IQSEC1: variants seen among roughly 807,000 people sequenced by gnomAD.
The protein encoded by IQSEC1 is IQ motif and SEC7 domain-containing protein 1.
IQSEC1 carries 31 observed loss-of-function variants against 91.0 expected under a neutral mutation model. The observed-to-expected ratio is 0.34, with a 90% CI of 0.26 to 0.46. IQSEC1 has a LOEUF of 0.46. Ranked by LOEUF, IQSEC1 falls within the 20% of genes least tolerant of loss-of-function variation. The probability of loss-of-function intolerance (pLI) is 1.00; values close to 1 mark genes in which losing one functional copy is unlikely to be tolerated. For synonymous variants in IQSEC1, 699 were observed against 662.6 expected, an observed-to-expected ratio of 1.05 and a Z score of -0.84; for missense variants, 1,388 against 1,575.6, an observed-to-expected ratio of 0.88 and a Z score of 2.02.
intron 1 of IQSEC1, among the ~76,000 whole-genome samples, chr3:13,035,728 G>A (rs1704011218): frequency 6.6e-6 from 1 of 152,212 alleles, no homozygotes; most frequent in Non-Finnish European, 1.5e-5. Context: ...CAGGGGTAGA[G>A]TTTAAGTCCT....
At chr3:13,155,891 C>T (rs1485494532) in intron 2 of IQSEC1, among the ~76,000 whole-genome samples, 2 of 152,046 alleles carry the variant, frequency 1.3e-5, no homozygotes, top group Non-Finnish European at 2.9e-5. Flanking sequence ...GTGCAGAAAA[C>T]ATACTTGACA....
intron 1 of IQSEC1, among the ~76,000 whole-genome samples, chr3:12,986,625 G>A (rs1350135294): frequency 6.6e-6 from 1 of 152,168 alleles, no homozygotes; most frequent in Admixed American, 6.5e-5. Context: ...TACTGGCTGC[G>A]TCCTGCCAGG....
rs1478021483 is a variant in IQSEC1 at position 12,979,864 on chromosome 3, T to G, written c.24-37999A>C. On this transcript the variant is annotated intron_variant, in intron 1 of 13. Coordinates refer to ENST00000613206, the MANE Select transcript of IQSEC1 (RefSeq NM_001134382.3). This position sits in a 1 kb window ranked among gnomAD's most constrained non-coding sequence, Gnocchi z 4.3. The stretch of plus-strand genomic sequence containing the variant: ...CTGGATCTCATACTTCCTGAAACCC[T>G]GCTTGGTGGGTAACAAGGATCTAAG... Among the ~76,000 whole-genome samples the G allele has an allele frequency of 6.6e-6, 1 of 152,144 alleles. No individual in the cohort carries two copies. Among genetic ancestry groups the G allele is most frequent in the African/African-American group, 2.4e-5 (1 of 41,412 alleles).
intron 1 of IQSEC1, among the ~76,000 whole-genome samples, chr3:13,071,766 C>T (rs1225577070): frequency 2.0e-5 from 3 of 148,450 alleles, no homozygotes; most frequent in East Asian, 2.0e-4. Context: ...CGCCATCCCC[C>T]GAACCAGAGG....
intron 1 of IQSEC1, among the ~76,000 whole-genome samples, chr3:13,067,064 G>A (rs1205606264): frequency 6.6e-6 from 1 of 152,234 alleles, no homozygotes; most frequent in Admixed American, 6.5e-5. Flanking sequence ...CAAGCAGCCT[G>A]CCCAGGGTCA....
rs1435201727 is a variant in IQSEC1 at position 12,949,471 on chromosome 3, C to G, written c.24-7606G>C. 2.0e-5 allele frequency among the ~76,000 whole-genome samples: 3 copies of G among 152,268 alleles called. No individual in the cohort carries two copies. In the East Asian group the frequency reaches 5.8e-4, roughly 29 times the overall value. On this transcript the variant is annotated intron_variant, in intron 1 of 13. Transcript: ENST00000613206. ...GCAGTCTGCACAGGCCAGAGCAAAACAGCCTCCTGAAGTACGTATGCCCAT... is the reference window on the plus strand; with the variant it reads ...GCAGTCTGCACAGGCCAGAGCAAAAGAGCCTCCTGAAGTACGTATGCCCAT...
chr3:13,102,386 G>GC (rs2124834304), intron 2 of IQSEC1, among the ~76,000 whole-genome samples: 1 of 152,276 alleles, frequency 6.6e-6, no homozygotes, highest in South Asian at 2.1e-4. Context: ...CCTGGGCCCA[G>GC]CCCCATGTTG....
At position 13,008,707 on chromosome 3, in the gene IQSEC1, G is replaced by A. The variant is rs1194340311; in HGVS notation, c.23+64285C>T. Among the ~76,000 whole-genome samples, 1 of 152,202 alleles carries A rather than the reference G, an allele frequency of 6.6e-6. No homozygotes were observed. On this transcript the variant is annotated intron_variant, in intron 1 of 13. Transcript: ENST00000613206. The surrounding 1 kb of genome is among the most constrained non-coding windows in gnomAD (Gnocchi z 4.1). ...GGGGTCTCACGCTGGTGTCCTCACT[G>A]CTTTGAGCGGTGCTGGGCACACAGT...
At chr3:13,033,436 C>T (rs1703920757) in intron 1 of IQSEC1, among the ~76,000 whole-genome samples, 1 of 152,154 alleles carries the variant, frequency 6.6e-6, no homozygotes, top group Admixed American at 6.5e-5. Context: ...TTGTATGTGG[C>T]TGTGTTCTCC....
In IQSEC1 at chr3:13,043,249, G is replaced by C. The variant is rs538371959; in HGVS notation, c.23+29743C>G. On this transcript the variant is annotated intron_variant, in intron 1 of 13. Coordinates refer to ENST00000613206, the MANE Select transcript of IQSEC1 (RefSeq NM_001134382.3). ...CAGAATGGGTGGCCCCACAGGCCAG[G>C]GGACCTGGCAGTCACAGACAATAGG... Among the ~76,000 whole-genome samples, 8 of 152,288 alleles carry C rather than the reference G, an allele frequency of 5.3e-5. No individual in the cohort carries two copies. The East Asian group carries it at 1.5e-3, about 29-fold the overall frequency.
chr3:12,902,226 ATC>A (rs1256577439), intron 13 of IQSEC1, among the ~76,000 whole-genome samples: 1 of 152,032 alleles, frequency 6.6e-6, no homozygotes, highest in Non-Finnish European at 1.5e-5. Context: ...TCCACACTGA[ATC>A]TCTTTCTCTC....
intron 1 of IQSEC1, among the ~76,000 whole-genome samples, chr3:13,192,458 G>C (rs1223351509): frequency 6.6e-6 from 1 of 152,202 alleles, no homozygotes; most frequent in Non-Finnish European, 1.5e-5. Context: ...TAACGCGAGG[G>C]AAGTTTGGAC....
intron 1 of IQSEC1, among the ~76,000 whole-genome samples, chr3:13,019,348 T>C (rs1195931313): frequency 6.6e-6 from 1 of 152,130 alleles, no homozygotes. Flanking sequence ...CACACACCTC[T>C]CGCTTTTCCA....
At chr3:13,123,514 A>C (rs1232976752) in intron 2 of IQSEC1, among the ~76,000 whole-genome samples, 2 of 152,226 alleles carry the variant, frequency 1.3e-5, no homozygotes, top group Non-Finnish European at 2.9e-5. Flanking sequence ...CTCCAAGTCC[A>C]AATGTGGCCT....
At chr3:12,946,654 G>A (rs1699201460) in intron 1 of IQSEC1, among the ~76,000 whole-genome samples, 3 of 152,198 alleles carry the variant, frequency 2.0e-5, no homozygotes, top group African/African-American at 7.2e-5. Context: ...ATGGGGTAAA[G>A]ATCTAGTTTG....
intron 1 of IQSEC1, among the ~76,000 whole-genome samples, chr3:12,972,014 A>AAAACAAACAAACAAAC (rs56174337): frequency 6.7e-6 from 1 of 148,490 alleles, no homozygotes; most frequent in Non-Finnish European, 1.5e-5. Context: ...ACTCCATCTC[A>AAAACAAACAAACAAAC]AAACAAACAA....
Position 13,103,936 on chromosome 3 carries a change from G to A in IQSEC1, c.303-56414C>T, listed in dbSNP as rs945116177. 1.1e-4 allele frequency among the ~76,000 whole-genome samples: 17 copies of A among 152,124 alleles called. No individual in the cohort carries two copies. Among genetic ancestry groups the A allele is most frequent in the East Asian group, 3.9e-4 (2 of 5,190 alleles). On this transcript the variant is annotated intron_variant, in intron 2 of 15. Coordinates refer to the IQSEC1 transcript ENST00000648114. The surrounding 1 kb of genome is among the most constrained non-coding windows in gnomAD (Gnocchi z 4.1). ...AGGTATTCTTCTATTTAATCTTCACGGCACTCCCTGAGGTGGGTGCTACTA... is the reference window on the plus strand; with the variant it reads ...AGGTATTCTTCTATTTAATCTTCACAGCACTCCCTGAGGTGGGTGCTACTA...
chr3:13,164,459 G>A lies in IQSEC1; in HGVS notation c.273-326C>T, dbSNP rs143260669. Reference sequence around the variant, plus strand: ...GAGCAAAGCCAGAGGAGGGGTCTATGGTTCCAGAACTCTGACCTGGGCAGC... The same window carrying A: ...GAGCAAAGCCAGAGGAGGGGTCTATAGTTCCAGAACTCTGACCTGGGCAGC... On this transcript the variant is annotated intron_variant, in intron 1 of 15. Coordinates refer to the IQSEC1 transcript ENST00000648114. 1.7e-3 allele frequency among the ~76,000 whole-genome samples: 258 copies of A among 152,284 alleles called. 3 individuals are homozygous for A. The South Asian group carries it at 0.023, about 14-fold the overall frequency.
intron 1 of IQSEC1, among the ~76,000 whole-genome samples, chr3:13,167,328 T>C (rs562424658): frequency 5.3e-5 from 8 of 152,200 alleles, no homozygotes; most frequent in South Asian, 4.2e-4. Context: ...AGAAGGGGGC[T>C]AACAATGGCT....
Sources: allele counts gnomAD v4.1 joint callset (sites outside exome capture counted in the v4.1 genomes callset), GRCh38; gene constraint gnomAD v4.1.1; non-coding constraint Gnocchi (gnomAD v3.1); transcripts MANE v1.5; gene names NCBI Gene and HGNC (gene_info 2026-07-23, HGNC 2026-07-21).